The following PRKDC variants were observed in gnomAD, a reference collection of about 807,000 sequenced individuals.
PRKDC encodes DNA-dependent protein kinase catalytic subunit.
A neutral mutation model predicts 486.9 loss-of-function variants in PRKDC; 82 were observed. The ratio of observed to expected loss-of-function variants is 0.17; its 90% confidence interval spans 0.14 to 0.20. PRKDC has a LOEUF of 0.20. Ranked by LOEUF, PRKDC falls within the 10% of genes least tolerant of loss-of-function variation. The pLI is 1.00. For missense variants in PRKDC, 4,504 were observed against 5,038.2 expected (o/e 0.89, Z 3.21); for synonymous variants, 1,895 against 1,837.0 (o/e 1.03, Z -0.81).
intron 36 of PRKDC, among the ~76,000 whole-genome samples, chr8:47,883,666 T>C (rs774601291): frequency 2.0e-5 from 3 of 152,262 alleles, no homozygotes; most frequent in Non-Finnish European, 2.9e-5. Flanking sequence ...ATTTTTAATT[T>C]CTGATGCCTA....
At chr8:47,914,119 A>C (rs1298670763) in intron 23 of PRKDC, 55 bp from the exon 24 acceptor site, 2 of 1,329,912 alleles carry the variant, frequency 1.5e-6, no homozygotes, top group East Asian at 5.3e-5. Context: ...TATTAGTGTC[A>C]GAATTATTCA....
At chr8:47,938,936 G>A (rs2090396433) in intron 11 of PRKDC, among the ~76,000 whole-genome samples, 1 of 152,058 alleles carries the variant, frequency 6.6e-6, no homozygotes, top group Admixed American at 6.6e-5. Flanking sequence ...CTAAAACGTT[G>A]TGAAATCAAC....
At position 47,839,144 on chromosome 8, in the gene PRKDC, G is replaced by A. The variant is rs866748025; in HGVS notation, c.7553+4C>T. 8.7e-6 allele frequency: 14 copies of A among 1,605,200 alleles called. No individual in the cohort carries two copies. The Middle Eastern group carries it at 5.0e-4, about 57-fold the overall frequency. On this transcript the variant is annotated splice_donor_region_variant and intron_variant, in intron 56 of 85. Transcript: ENST00000314191. ...TAATTGTCCCAGCCCAGTTATTCAC[G>A]TACTGAAGTCCAGGGTTCTCATCGA...
chr8:47,896,829 A>G (rs188101808), intron 30 of PRKDC, among the ~76,000 whole-genome samples: 37 of 152,304 alleles, frequency 2.4e-4, no homozygotes, highest in African/African-American at 8.2e-4. Context: ...GTTTGGACTT[A>G]ATGGACAAAA....
At chr8:47,936,021 G>T in intron 12 of PRKDC, 121 bp from the exon 13 acceptor site, 2 of 994,936 alleles carry the variant, frequency 2.0e-6, no homozygotes, top group Non-Finnish European at 2.8e-6. Flanking sequence ...AACATGGTTT[G>T]TCATCTAACC....
chr8:47,849,446 T>C lies in PRKDC; in HGVS notation c.7063A>G (p.Thr2355Ala), dbSNP rs765234329. The change falls in exon 53 of 86, where the codon ACT becomes GCT. Residue 2355 changes from threonine (T) to alanine (A), a missense_variant. Transcript: ENST00000314191. ...CACACAATAAACTTGTCCTCCATAGTATTCTGATGTTGCTTCAATTGTTTC... is the reference window on the plus strand; with the variant it reads ...CACACAATAAACTTGTCCTCCATAGCATTCTGATGTTGCTTCAATTGTTTC... Reference protein sequence around the residue: ...VAKQLKQHQNTMEDKFIVCLN... With the variant: ...VAKQLKQHQNAMEDKFIVCLN... 37 of 1,613,942 alleles carry C rather than the reference T, an allele frequency of 2.3e-5. No individual in the cohort carries two copies. The highest frequency in any genetic ancestry group is 1.0e-4 in the Admixed American group (6 of 60,008).
intron 22 of PRKDC, 108 bp from the exon 23 acceptor site, chr8:47,915,526 A>G (rs1003808434): frequency 5.3e-4 from 338 of 642,390 alleles, no homozygotes; most frequent in Admixed American, 3.3e-4. Context: ...ATTTCCTAGA[A>G]CCGCAGTTCC....
rs2086719161 is a variant in PRKDC at position 47,782,710 on chromosome 8, G to A, written c.11176-112C>T. 4 of 1,215,178 alleles carry A rather than the reference G, an allele frequency of 3.3e-6. No homozygotes were observed. The highest frequency in any genetic ancestry group is 4.6e-6 in the Non-Finnish European group (4 of 875,464). The allele number at this position is 1,215,178 out of a possible 1,614,324, so 75.3% of individuals were successfully genotyped here. ...TCCGTGGGGCCGCCCTCTGAAGACA[G>A]TGCCAAAGAGCAGAGCGCCCAGGCC... On this transcript the variant is annotated intron_variant, in intron 78 of 85. Transcript: ENST00000314191. The surrounding 1 kb of genome is among the most constrained non-coding windows in gnomAD (Gnocchi z 4.9).
intron 26 of PRKDC, 71 bp downstream of exon 26, chr8:47,904,797 AT>A: frequency 8.0e-7 from 1 of 1,252,206 alleles, no homozygotes; most frequent in Non-Finnish European, 1.1e-6. Context: ...TCTCAAAAAC[AT>A]AAATAAATAA....
rs746859199 is a variant in PRKDC, at chr8:47,888,608, C to T, written c.4323G>A (p.Ala1441=). The T allele has an allele frequency of 1.1e-5, 17 of 1,592,772 alleles. No individual in the cohort carries two copies. The East Asian group carries it at 1.1e-4, about 11-fold the overall frequency. ...LCAVNLYGPD[A]QVDRSRLAAV... ...CAGCCAGCCTGCTCCTGTCCACTTG[C>T]GCGTCAGGGCCATACAAGTTGACGG... The change falls in exon 34 of 86, where the codon GCG becomes GCA. Residue 1441 remains alanine, a synonymous_variant. Coordinates refer to ENST00000314191, the MANE Select transcript of PRKDC (RefSeq NM_006904.7).
At chr8:47,813,135 T>A (rs1032160592) in intron 68 of PRKDC, among the ~76,000 whole-genome samples, 11 of 138,596 alleles carry the variant, frequency 7.9e-5, no homozygotes, top group East Asian at 2.1e-4. Flanking sequence ...TTATTTATTT[T>A]GAGACAGAAT....
chr8:47,895,538 C>T (rs1745379923), intron 30 of PRKDC, among the ~76,000 whole-genome samples: 1 of 152,098 alleles, frequency 6.6e-6, no homozygotes, highest in South Asian at 2.1e-4. Context: ...GTCACAGACT[C>T]AATGTGAGAT....
intron 11 of PRKDC, 42 bp downstream of exon 11, chr8:47,939,509 A>T (rs775859039): frequency 6.3e-7 from 1 of 1,583,128 alleles, no homozygotes; most frequent in South Asian, 1.1e-5. Context: ...TTAAACAATC[A>T]CGTGAAACCA....
chr8:47,893,570 C>T (rs996172547), intron 30 of PRKDC, among the ~76,000 whole-genome samples, 183 bp from the exon 31 acceptor site: 1 of 152,186 alleles, frequency 6.6e-6, no homozygotes, highest in African/African-American at 2.4e-5. Context: ...TCAGGTTCCT[C>T]AAACATTATA....
At chr8:47,825,609 A>T (rs1387205623) in intron 63 of PRKDC, among the ~76,000 whole-genome samples, 1 of 151,714 alleles carries the variant, frequency 6.6e-6, no homozygotes, top group African/African-American at 2.4e-5. Flanking sequence ...TAATACAGTT[A>T]GAAAAAAATG....
chr8:47,920,558 T>C (rs1290699637), intron 21 of PRKDC, among the ~76,000 whole-genome samples: 3 of 152,204 alleles, frequency 2.0e-5, no homozygotes, highest in Admixed American at 6.5e-5. Flanking sequence ...ACTAACAGTG[T>C]TTTAAATGTG....
intron 45 of PRKDC, 124 bp from the exon 46 acceptor site, chr8:47,859,883 T>C: frequency 9.9e-7 from 1 of 1,005,246 alleles, no homozygotes; most frequent in East Asian, 2.6e-5. Context: ...ATCAAGCCAG[T>C]GATTATTAAC....
In PRKDC at chr8:47,897,422, G is replaced by A. The variant is rs187161748; in HGVS notation, c.3465-128C>T. 34 of 930,206 alleles carry A rather than the reference G, an allele frequency of 3.7e-5. 2 individuals carry two copies. The highest frequency in any genetic ancestry group is 4.2e-5 in the Non-Finnish European group (28 of 668,968). The allele number at this position is 930,206 out of a possible 1,614,324, so 57.6% of individuals were successfully genotyped here. On this transcript the variant is annotated intron_variant, in intron 29 of 85. Transcript: ENST00000314191. ...GTAGAAATCTCACTAAAAGGCATTC[G>A]ACTTATTTTTAATGTATTATAATTA...
At chr8:47,944,822 CTGA>C (rs1289487584) in intron 7 of PRKDC, among the ~76,000 whole-genome samples, 1 of 152,172 alleles carries the variant, frequency 6.6e-6, no homozygotes, top group East Asian at 1.9e-4. Flanking sequence ...AGACAGAGCC[CTGA>C]TGATGATGTG....
Sources: gnomAD v4.1 joint callset for allele counts (sites outside exome capture counted in the v4.1 genomes callset) on GRCh38, gnomAD v4.1.1 for gene constraint, Gnocchi (gnomAD v3.1) non-coding constraint, MANE v1.5 for transcripts, NCBI Gene and HGNC (gene_info 2026-07-23, HGNC 2026-07-21) for gene names.